Variants in NPAS4 observed in about 807,000 individuals in gnomAD.
NPAS4 encodes neuronal PAS domain protein 4.
Under a neutral mutation model 64.0 loss-of-function variants are expected in NPAS4, and 10 were observed. That is an observed-to-expected ratio of 0.16 (90% CI 0.10 to 0.26). NPAS4 has a LOEUF of 0.26. Among genes scored for constraint, NPAS4 ranks in the 10% least tolerant of loss-of-function variants. The pLI is 1.00. For missense variants in NPAS4, 886 were observed against 992.6 expected, an observed-to-expected ratio of 0.89 and a Z score of 1.44; for synonymous variants, 441 against 411.7, an observed-to-expected ratio of 1.07 and a Z score of -0.86.
upstream of NPAS4, among the ~76,000 whole-genome samples, chr11:66,418,643 C>A (rs1856696066): frequency 6.6e-6 from 1 of 152,158 alleles, no homozygotes; most frequent in African/African-American, 2.4e-5. Flanking sequence ...TCTTCCCATT[C>A]CATTCTCCTG....
rs915108531 is a variant in NPAS4 at position 66,424,517 on chromosome 11, G to C, written c.1627G>C (p.Asp543His). Residue 543 changes from aspartate (D) to histidine (H), a missense_variant, in exon 7 of 8, where the codon GAC (aspartate) becomes CAC (histidine). This residue lies in a region of NPAS4 where 820 missense variants were observed against 855.5 expected (regional missense o/e 0.96). Transcript: ENST00000311034. ...PPSTAFQAHL[D>H]SPSQTFPEQL... ...CAGCACAGCATTCCAAGCACACCTG[G>C]ACAGCCCCAGCCAAACCTTCCCAGA... The C allele has an allele frequency of 6.2e-7, 1 of 1,613,954 alleles. No individual in the cohort carries two copies. Among genetic ancestry groups the C allele is most frequent in the Non-Finnish European group, 8.5e-7 (1 of 1,180,032 alleles).
At chr11:66,410,164 G>A in the NPAS4 span, 1 of 152,356 alleles carries the variant, frequency 6.6e-6, no homozygotes, top group Non-Finnish European at 1.5e-5. Flanking sequence ...ACTTCCTGGA[G>A]GCGTTTGACC....
chr11:66,422,452 T>C lies in NPAS4; in HGVS notation c.329T>C (p.Val110Ala). 1 of 1,611,460 alleles carries C rather than the reference T, an allele frequency of 6.2e-7. No homozygotes were observed. The highest frequency in any genetic ancestry group is 8.5e-7 in the Non-Finnish European group (1 of 1,177,636). Residue 110 changes from valine (V) to alanine (A), a missense_variant and splice_region_variant, in exon 3 of 8, where the codon GTG becomes GCG. Transcript: ENST00000311034. ...CATCTCTTCTTTTCCTCCCTCCAGG[T>C]GGACCTGGTTGCCCAGGGTGACAGC... ...SVSEHLGHSM[V>A]DLVAQGDSIY...
chr11:66,423,557 C>G, intron 5 of NPAS4, 21 bp from the exon 6 acceptor site: 1 of 1,613,560 alleles, frequency 6.2e-7, no homozygotes, highest in Non-Finnish European at 8.5e-7. Flanking sequence ...CATCCTAACT[C>G]TGCATCTTCT....
At position 66,421,263 on chromosome 11, in the gene NPAS4, G is replaced by T. The variant is rs769345997; in HGVS notation, c.84G>T (p.Pro28=). The change falls in exon 1 of 8, where the codon CCG becomes CCT. Residue 28 remains proline (P), a synonymous_variant. Coordinates refer to ENST00000311034, the MANE Select transcript of NPAS4 (RefSeq NM_178864.4). The part of the protein sequence containing the change: ...AEIRNLKELL[P]LAEADKVRLS... ...TCCGGAACCTCAAGGAGCTGCTGCC[G>T]CTGGCCGAAGCGGACAAGGTCCGGC... The T allele has an allele frequency of 3.1e-6, 5 of 1,614,034 alleles. No homozygotes were observed. The highest frequency in any genetic ancestry group is 2.2e-5 in the South Asian group (2 of 91,080).
chr11:66,417,813 CA>C (rs141187752), upstream of NPAS4, among the ~76,000 whole-genome samples: 18,974 of 143,508 alleles, frequency 0.13, 1,508 homozygotes, highest in Non-Finnish European at 0.19. Context: ...AAGTTGGAGA[CA>C]AAAAAAAAAG....
chr11:66,424,946 C>A lies in NPAS4; in HGVS notation c.2056C>A (p.Leu686Met), dbSNP rs1346304772. Residue 686 changes from leucine (L) to methionine (M), a missense_variant, in exon 7 of 8, where the codon CTG becomes ATG. By Grantham distance (15) the Leu-to-Met change is conservative. Transcript: ENST00000311034. ...GAGPPVLSLD[L>M]KPWKCQELDF... ...AGGCCCCCCTGTGCTCAGCCTGGAC[C>A]TGAAACCCTGGAAATGCCAGGAGCT... is the stretch of plus-strand genomic sequence containing the variant. 1.2e-6 allele frequency: 2 copies of A among 1,614,036 alleles called. No homozygotes were observed. The highest frequency in any genetic ancestry group is 1.3e-5 in the African/African-American group (1 of 74,946).
At chr11:66,419,036 C>T (rs1346489257), upstream of NPAS4, among the ~76,000 whole-genome samples, 1 of 152,124 alleles carries the variant, frequency 6.6e-6, no homozygotes, top group Non-Finnish European at 1.5e-5. Flanking sequence ...AGGAACAACC[C>T]CCCTGGAATT....
chr11:66,415,217 C>T, the NPAS4 span, among the ~76,000 whole-genome samples: 1 of 152,162 alleles, frequency 6.6e-6, no homozygotes. Flanking sequence ...GGGGAGGGTA[C>T]ATCTCCACAG....
the NPAS4 span, among the ~76,000 whole-genome samples, chr11:66,412,734 A>C: frequency 1.3e-5 from 2 of 152,216 alleles, no homozygotes; most frequent in African/African-American, 4.8e-5. Flanking sequence ...ACTGAGGCAC[A>C]AAAGGTTAAG....
At position 66,422,499 on chromosome 11, in the gene NPAS4, G is replaced by A; in HGVS notation, c.376G>A (p.Ala126Thr). 1 of 1,614,018 alleles carries A rather than the reference G, an allele frequency of 6.2e-7. No individual in the cohort carries two copies. Among genetic ancestry groups the A allele is most frequent in the Non-Finnish European group, 8.5e-7 (1 of 1,179,992 alleles). Residue 126 changes from alanine (A) to threonine (T), a missense_variant, in exon 3 of 8, where the codon GCT becomes ACT. By Grantham distance (58) the Ala-to-Thr change is moderately conservative. Coordinates refer to ENST00000311034, the MANE Select transcript of NPAS4 (RefSeq NM_178864.4). ...GDSIYDIIDP[A>T]DHLTVRQQLT... ...CAGCATCTACGACATCATTGACCCAGCTGACCACCTCACTGTGCGCCAGCA... is the reference window on the plus strand; with the variant it reads ...CAGCATCTACGACATCATTGACCCAACTGACCACCTCACTGTGCGCCAGCA...
rs748753074 is a variant in NPAS4 at position 66,422,101 on chromosome 11, A to G, written c.176-19A>G. On this transcript the variant is annotated intron_variant, in intron 1 of 7. Coordinates refer to ENST00000311034, the MANE Select transcript of NPAS4 (RefSeq NM_178864.4). ...CTCCCAGTCTTACTCCTGACGCACT[A>G]CGTCTTCTCGCCCTACAGGCACTCC... The G allele has an allele frequency of 1.5e-5, 24 of 1,611,426 alleles. No individual in the cohort carries two copies. The highest frequency in any genetic ancestry group is 6.7e-5 in the East Asian group (3 of 44,862).
At position 66,426,200 on chromosome 11, in the gene NPAS4, G is replaced by A. The variant is rs1856836541; in HGVS notation, c.*211G>A. ...AATCAAGAGACTTCGAGCGATCCCA[G>A]TTTCCATTTCAATCTGTATTCACTC... On this transcript the variant is annotated 3_prime_UTR_variant, in exon 8 of 8. Coordinates refer to ENST00000311034, the MANE Select transcript of NPAS4 (RefSeq NM_178864.4). 1 of 556,884 alleles carries A rather than the reference G, an allele frequency of 1.8e-6. No homozygotes were observed. The highest frequency in any genetic ancestry group is 2.2e-5 in the South Asian group (1 of 45,674). 34.5% of individuals were successfully genotyped at this position (556,884 alleles called of 1,614,324 possible). A position where few individuals can be genotyped will look rare whatever the true frequency, so the allele number is the denominator to read the frequency against.
rs1856758473 is a variant in NPAS4 at position 66,422,378 on chromosome 11, A to G, written c.328-73A>G. On this transcript the variant is annotated intron_variant, in intron 2 of 7. Coordinates refer to ENST00000311034, the MANE Select transcript of NPAS4 (RefSeq NM_178864.4). The stretch of plus-strand genomic sequence containing the variant: ...ACTATGGAGGGAGAGGTTATACCCT[A>G]CAAGATACTGTAGATCAAAGATTGG... The G allele has an allele frequency of 4.1e-6, 6 of 1,475,918 alleles. No individual in the cohort carries two copies. In the Admixed American group the frequency reaches 6.7e-5, roughly 16 times the overall value. 91.4% of individuals were successfully genotyped at this position (1,475,918 alleles called of 1,614,324 possible).
rs755450311 is a variant in NPAS4 at position 66,424,855 on chromosome 11, C to T, written c.1965C>T (p.Gly655=). 1.2e-6 allele frequency: 2 copies of T among 1,612,560 alleles called. No homozygotes were observed. The highest frequency in any genetic ancestry group is 1.7e-6 in the Non-Finnish European group (2 of 1,179,348). ...ACAGACCCTTCTCAGCTGAGGCTGG[C>T]ACTGGCGGACTAGAGCCACTTGGAG... ...GMDRPFSAEA[G]TGGLEPLGGL... Residue 655 remains glycine (G), a synonymous_variant, in exon 7 of 8, where the codon GGC becomes GGT. Coordinates refer to ENST00000311034, the MANE Select transcript of NPAS4 (RefSeq NM_178864.4).
chr11:66,415,129 T>G, the NPAS4 span, among the ~76,000 whole-genome samples: 3 of 152,150 alleles, frequency 2.0e-5, no homozygotes, highest in Non-Finnish European at 1.5e-5. Flanking sequence ...AGGGTCGGAA[T>G]AGGGATGGAA....
upstream of NPAS4, among the ~76,000 whole-genome samples, chr11:66,419,407 G>A (rs938984617): frequency 6.6e-6 from 1 of 152,124 alleles, no homozygotes; most frequent in African/African-American, 2.4e-5. Context: ...TCCATGAGGA[G>A]CGGAGAGTTC....
Position 66,425,825 on chromosome 11 carries a change from C to G in NPAS4, c.2381-136C>G. On this transcript the variant is annotated intron_variant, in intron 7 of 7. Coordinates refer to ENST00000311034, the MANE Select transcript of NPAS4 (RefSeq NM_178864.4). ...TCCATCCAAATTGCCCCCTAATCTA[C>G]TGAGCCTCTGGCCATCATTTCATCA... 4.4e-6 allele frequency: 3 copies of G among 688,054 alleles called. No homozygotes were observed. The South Asian group carries it at 5.1e-5, about 12-fold the overall frequency. The allele number at this position is 688,054 out of a possible 1,614,324, so 42.6% of individuals were successfully genotyped here. A position where few individuals can be genotyped will look rare whatever the true frequency, so the allele number is the denominator to read the frequency against.
Position 66,426,303 on chromosome 11 carries a change from T to C in NPAS4, c.*314T>C. 3.1e-6 allele frequency: 1 copy of C among 324,464 alleles called. No individual in the cohort carries two copies. The highest frequency in any genetic ancestry group is 5.9e-6 in the Non-Finnish European group (1 of 170,076). 20.1% of individuals were successfully genotyped at this position (324,464 alleles called of 1,614,324 possible). Reference sequence around the variant, plus strand: ...TCCCCGCCGCCTTGCCCCATTGGCCTGGGCCAGTTCTCCACTCCTAGGGGC... The same window carrying C: ...TCCCCGCCGCCTTGCCCCATTGGCCCGGGCCAGTTCTCCACTCCTAGGGGC... On this transcript the variant is annotated 3_prime_UTR_variant, in exon 8 of 8. Coordinates refer to ENST00000311034, the MANE Select transcript of NPAS4 (RefSeq NM_178864.4).
Sources: allele counts gnomAD v4.1 joint callset (sites outside exome capture counted in the v4.1 genomes callset), GRCh38; gene constraint gnomAD v4.1.1; regional missense constraint gnomAD v4.1.1; transcripts MANE v1.5; gene names NCBI Gene and HGNC (gene_info 2026-07-23, HGNC 2026-07-21).